PAK1: variants seen among roughly 807,000 people sequenced by gnomAD.
PAK1 encodes the protein serine/threonine-protein kinase PAK 1.
In PAK1, 29 loss-of-function variants were observed where a neutral mutation model predicts 67.4. The ratio of observed to expected loss-of-function variants is 0.43; its 90% CI spans 0.32 to 0.59. PAK1 has a LOEUF of 0.59. PAK1 is among the 20% of genes least tolerant of loss of function. The pLI, the probability that PAK1 is intolerant of heterozygous loss-of-function variation, is 0.07. For synonymous variants in PAK1, 223 were observed against 237.4 expected (o/e 0.94, Z 0.56); for missense variants, 337 against 670.7 (o/e 0.50, Z 5.50).
chr11:77,381,674 C>T (rs183357050), intron 2 of PAK1, among the ~76,000 whole-genome samples: 1 of 152,146 alleles, frequency 6.6e-6, no homozygotes, highest in Non-Finnish European at 1.5e-5. Context: ...ATATTACTAC[C>T]GTCATTCTTA....
chr11:77,480,942 C>G, the PAK1 span, among the ~76,000 whole-genome samples: 4 of 152,188 alleles, frequency 2.6e-5, no homozygotes, highest in Admixed American at 6.5e-5. Flanking sequence ...AGAAAATTAC[C>G]TGGTGTATAA....
chr11:77,413,824 T>G (rs1298554301), intron 1 of PAK1, among the ~76,000 whole-genome samples: 4 of 152,198 alleles, frequency 2.6e-5, no homozygotes, highest in Non-Finnish European at 4.4e-5. Flanking sequence ...TAAGACTTTT[T>G]TTTAACCCCA....
chr11:77,336,010 G>A, intron 13 of PAK1, 76 bp downstream of exon 13: 1 of 933,646 alleles, frequency 1.1e-6, no homozygotes, highest in Non-Finnish European at 1.6e-6. Context: ...AAACCACAGA[G>A]AACACCCTGG....
the PAK1 span, among the ~76,000 whole-genome samples, chr11:77,517,818 A>C: frequency 6.6e-6 from 1 of 152,190 alleles, no homozygotes; most frequent in South Asian, 2.1e-4. Context: ...GTGACAGATC[A>C]TCAGGCATCA....
At chr11:77,430,203 T>G (rs931662107) in intron 1 of PAK1, among the ~76,000 whole-genome samples, 2 of 152,072 alleles carry the variant, frequency 1.3e-5, no homozygotes, top group Non-Finnish European at 2.9e-5. Context: ...TGATTAAATA[T>G]TGGGGGTTAT....
At chr11:77,460,651 C>T (rs999619541) in intron 1 of PAK1, among the ~76,000 whole-genome samples, 2 of 151,352 alleles carry the variant, frequency 1.3e-5, no homozygotes, top group African/African-American at 4.9e-5. Context: ...TTTAAAGATG[C>T]CATAAAGCGA....
chr11:77,326,612 G>A (rs1939942466), intron 14 of PAK1, among the ~76,000 whole-genome samples: 1 of 152,198 alleles, frequency 6.6e-6, no homozygotes, highest in South Asian at 2.1e-4. Flanking sequence ...CAGAACCTGG[G>A]GAGGTTGAGG....
At chr11:77,365,269 GA>G (rs140962295) in intron 5 of PAK1, among the ~76,000 whole-genome samples, 35,866 of 129,696 alleles carry the variant, frequency 0.28, 7,447 homozygotes, top group South Asian at 0.47. Flanking sequence ...AAAAAAAAAA[GA>G]AAAAAGAAAA....
the PAK1 span, among the ~76,000 whole-genome samples, chr11:77,508,952 G>A: frequency 1.0e-4 from 14 of 136,986 alleles, no homozygotes; most frequent in African/African-American, 3.6e-4. Context: ...GAGCCACCGC[G>A]CCCGGCCCAG....
chr11:77,357,762 T>C (rs1422076561), intron 6 of PAK1, among the ~76,000 whole-genome samples: 2 of 152,182 alleles, frequency 1.3e-5, no homozygotes, highest in East Asian at 3.8e-4. Flanking sequence ...TGAAGATCAA[T>C]TAATTAATTA....
At chr11:77,335,998 GAA>G (rs1942629262) in intron 13 of PAK1, 86 bp downstream of exon 13, 2 of 809,248 alleles carry the variant, frequency 2.5e-6, no homozygotes, top group Non-Finnish European at 3.9e-6. Context: ...TCTCCAGGTT[GAA>G]AACCACAGAG....
intron 1 of PAK1, among the ~76,000 whole-genome samples, chr11:77,455,593 T>C (rs1957047634): frequency 6.6e-6 from 1 of 152,232 alleles, no homozygotes; most frequent in Non-Finnish European, 1.5e-5. Flanking sequence ...TCCATTTCTT[T>C]AACTCTCCCA....
At chr11:77,514,377 C>A in the PAK1 span, among the ~76,000 whole-genome samples, 2 of 152,196 alleles carry the variant, frequency 1.3e-5, no homozygotes, top group African/African-American at 4.8e-5. Flanking sequence ...CACCTGTAAT[C>A]CCAGCTACTT....
intron 4 of PAK1, among the ~76,000 whole-genome samples, chr11:77,377,691 T>C (rs774164358): frequency 6.6e-6 from 1 of 152,216 alleles, no homozygotes; most frequent in Non-Finnish European, 1.5e-5. Flanking sequence ...TACATACACA[T>C]TTACATGCCA....
chr11:77,511,916 G>A, the PAK1 span, among the ~76,000 whole-genome samples: 2 of 152,158 alleles, frequency 1.3e-5, no homozygotes, highest in Non-Finnish European at 2.9e-5. Context: ...GGGTTGGGGG[G>A]CGTTCCACAC....
intron 5 of PAK1, among the ~76,000 whole-genome samples, chr11:77,372,033 A>T (rs1477751243): frequency 6.6e-6 from 1 of 152,232 alleles, no homozygotes; most frequent in Non-Finnish European, 1.5e-5. Context: ...GTCTTCAGGA[A>T]ACTCTGTTTT....
intron 1 of PAK1, among the ~76,000 whole-genome samples, chr11:77,417,403 T>C (rs906059453): frequency 2.0e-5 from 3 of 152,184 alleles, no homozygotes; most frequent in African/African-American, 7.2e-5. Flanking sequence ...AACTACATGA[T>C]ATTTGGAAAA....
chr11:77,401,768 T>A (rs753203538), intron 1 of PAK1, among the ~76,000 whole-genome samples: 1 of 152,168 alleles, frequency 6.6e-6, no homozygotes, highest in Non-Finnish European at 1.5e-5. Flanking sequence ...ATTTAACAGA[T>A]CCCACTACTT....
Position 77,428,074 on chromosome 11 carries a change from A to G in PAK1, c.-21-35533T>C, listed in dbSNP as rs902614112. On this transcript the variant is annotated intron_variant, in intron 1 of 14. Transcript: ENST00000356341. ...TGAGGACGAAAGGTACCTTTGGGTC[A>G]GATACTAGAGATCCTTGAATGACAG... Among the ~76,000 whole-genome samples, 3 of 152,264 alleles carry G rather than the reference A, an allele frequency of 2.0e-5. No individual in the cohort carries two copies. In the South Asian group the frequency reaches 6.2e-4, roughly 31 times the overall value.
Sources: allele counts gnomAD v4.1 joint callset (sites outside exome capture counted in the v4.1 genomes callset), GRCh38; gene constraint gnomAD v4.1.1; transcripts MANE v1.5; gene names NCBI Gene and HGNC (gene_info 2026-07-23, HGNC 2026-07-21).